The following ARHGAP32 variants were observed in gnomAD, a reference collection of about 807,000 sequenced individuals.
ARHGAP32 encodes Rho GTPase activating protein 32, also known as rho GTPase-activating protein 32.
A neutral mutation model predicts 186.5 loss-of-function variants in ARHGAP32; 51 were observed. The observed-to-expected ratio is 0.27, with a 90% CI of 0.22 to 0.35. The LOEUF is 0.35. ARHGAP32 is among the 10% of genes least tolerant of loss of function. ARHGAP32 has a pLI of 1.00. For missense variants in ARHGAP32, 2,186 were observed against 2,623.5 expected (o/e 0.83, Z 3.64); for synonymous variants, 950 against 964.3 (o/e 0.99, Z 0.27).
intron 10 of ARHGAP32, among the ~76,000 whole-genome samples, chr11:129,043,923 T>C (rs541286014): frequency 2.7e-3 from 406 of 152,308 alleles, no homozygotes; most frequent in African/African-American, 9.3e-3. Flanking sequence ...GAAATTAACA[T>C]ATCAGTTTTT....
intron 5 of ARHGAP32, among the ~76,000 whole-genome samples, chr11:129,100,739 T>C (rs1345855673): frequency 6.6e-6 from 1 of 152,074 alleles, no homozygotes; most frequent in African/African-American, 2.4e-5. Context: ...CTTCTGCTTA[T>C]GTGGCACAGA....
chr11:129,032,697 C>T (rs893045873), intron 11 of ARHGAP32, among the ~76,000 whole-genome samples: 10 of 152,070 alleles, frequency 6.6e-5, no homozygotes, highest in Admixed American at 2.0e-4. Flanking sequence ...TGTATTAAAG[C>T]AATACTGCAA....
chr11:129,152,536 C>T (rs1350224434), intron 2 of ARHGAP32, among the ~76,000 whole-genome samples: 2 of 152,162 alleles, frequency 1.3e-5, no homozygotes, highest in Non-Finnish European at 2.9e-5. Flanking sequence ...TATGATACAG[C>T]ATGACCAAGT....
At chr11:129,199,621 T>C (rs903757898) in intron 1 of ARHGAP32, among the ~76,000 whole-genome samples, 2 of 152,226 alleles carry the variant, frequency 1.3e-5, no homozygotes, top group Admixed American at 1.3e-4. Flanking sequence ...AGAGGATGTA[T>C]GAAAACACCT....
At position 129,266,274 on chromosome 11, in the gene ARHGAP32, T is replaced by G. The variant is rs1170007675; in HGVS notation, c.-5+12872A>C. 3.3e-5 allele frequency among the ~76,000 whole-genome samples: 5 copies of G among 152,154 alleles called. No homozygotes were observed. In the East Asian group the frequency reaches 5.8e-4, roughly 18 times the overall value. ...TAACCTGGATCTATTTCCCTACTAA[T>G]AAGAAGGGCACAAAACCTACTGTGA... On this transcript the variant is annotated intron_variant, in intron 1 of 6. Coordinates refer to the ARHGAP32 transcript ENST00000525234.
At chr11:129,167,794 A>G (rs1283937842) in intron 1 of ARHGAP32, among the ~76,000 whole-genome samples, 2 of 152,234 alleles carry the variant, frequency 1.3e-5, no homozygotes, top group Admixed American at 6.5e-5. Context: ...CTAGAATTAG[A>G]TAACAGTGGT....
At chr11:129,064,164 G>A (rs1940610033) in intron 8 of ARHGAP32, 140 bp from the exon 9 acceptor site, 2 of 703,450 alleles carry the variant, frequency 2.8e-6, no homozygotes, top group Admixed American at 7.2e-5. Context: ...CATTTACTGG[G>A]TAGTAAAAAT....
chr11:128,976,728 G>C, intron 19 of ARHGAP32, 94 bp from the exon 20 acceptor site: 1 of 1,039,214 alleles, frequency 9.6e-7, no homozygotes, highest in Non-Finnish European at 1.5e-6. Context: ...TTAAACTTTT[G>C]AGAGTGATTA....
At chr11:129,043,496 C>T (rs1207314525) in intron 10 of ARHGAP32, among the ~76,000 whole-genome samples, 1 of 150,186 alleles carries the variant, frequency 6.7e-6, no homozygotes, top group African/African-American at 2.4e-5. Flanking sequence ...AAACGATTCT[C>T]CTGCCTCAGC....
chr11:128,992,859 A>C (rs1425136746), intron 12 of ARHGAP32, among the ~76,000 whole-genome samples: 1 of 152,194 alleles, frequency 6.6e-6, no homozygotes, highest in African/African-American at 2.4e-5. Flanking sequence ...AAAAAGTACT[A>C]TGTGGGCAGA....
intron 1 of ARHGAP32, among the ~76,000 whole-genome samples, chr11:129,253,616 C>A (rs1456730788): frequency 6.6e-6 from 1 of 152,102 alleles, no homozygotes; most frequent in African/African-American, 2.4e-5. Flanking sequence ...AATAGAAAGC[C>A]TGAATCCTCA....
At chr11:129,171,324 A>G (rs1353448453) in intron 1 of ARHGAP32, among the ~76,000 whole-genome samples, 1 of 152,180 alleles carries the variant, frequency 6.6e-6, no homozygotes, top group South Asian at 2.1e-4. Flanking sequence ...TAAGTCTTTA[A>G]TCCATCCTGA....
At chr11:129,222,685 A>G (rs1312309886) in intron 1 of ARHGAP32, among the ~76,000 whole-genome samples, 1 of 152,118 alleles carries the variant, frequency 6.6e-6, no homozygotes, top group Admixed American at 6.6e-5. Context: ...ACTTTTTAGT[A>G]CTCTTTAAGT....
At chr11:129,201,753 G>A (rs1591693924) in intron 1 of ARHGAP32, among the ~76,000 whole-genome samples, 3 of 152,256 alleles carry the variant, frequency 2.0e-5, no homozygotes, top group Non-Finnish European at 2.9e-5. Context: ...GGCCAAGGCA[G>A]GAAGATCCCT....
intron 1 of ARHGAP32, chr11:129,203,099 G>A (rs1021485465): frequency 1.3e-5 from 2 of 152,120 alleles, no homozygotes; most frequent in South Asian, 2.1e-4. Flanking sequence ...ATGGGCACAC[G>A]GAACAAGCAA....
intron 5 of ARHGAP32, among the ~76,000 whole-genome samples, chr11:129,093,919 G>A (rs1227970100): frequency 2.0e-5 from 3 of 152,112 alleles, no homozygotes; most frequent in Non-Finnish European, 4.4e-5. Context: ...TGTAGCTTAC[G>A]TATAAGGGTC....
intron 2 of ARHGAP32, among the ~76,000 whole-genome samples, chr11:129,126,844 TA>T (rs1433847429): frequency 1.3e-5 from 2 of 151,888 alleles, no homozygotes; most frequent in African/African-American, 2.4e-5. Context: ...GTTTTGCCAT[TA>T]AAAAAAAGTG....
At chr11:128,980,394 C>A in intron 18 of ARHGAP32, 159 bp downstream of exon 18, 1 of 487,242 alleles carries the variant, frequency 2.1e-6, no homozygotes, top group African/African-American at 2.0e-5. Context: ...CCCCATGAAG[C>A]GGTAAGTATC....
intron 11 of ARHGAP32, among the ~76,000 whole-genome samples, chr11:129,010,564 C>T (rs180981997): frequency 6.6e-6 from 1 of 152,242 alleles, no homozygotes; most frequent in Admixed American, 6.5e-5. Context: ...TTCCCTGTTG[C>T]TTGTTTTTGT....
Sources: gnomAD v4.1 joint callset for allele counts (sites outside exome capture counted in the v4.1 genomes callset) on GRCh38, gnomAD v4.1.1 for gene constraint, MANE v1.5 for transcripts, NCBI Gene and HGNC (gene_info 2026-07-23, HGNC 2026-07-21) for gene names.